The following YWHAE variants were observed in gnomAD, a reference collection of about 807,000 sequenced individuals.
YWHAE encodes tyrosine 3-monooxygenase/tryptophan 5-monooxygenase activation protein epsilon.
Under a neutral mutation model 30.1 loss-of-function variants are expected in YWHAE, and 4 were observed. The observed-to-expected ratio is 0.13, with a 90% CI of 0.07 to 0.30. The LOEUF is 0.30. Among genes scored for constraint, YWHAE ranks in the 10% least tolerant of loss-of-function variants. The pLI is 1.00. For missense variants in YWHAE, 121 were observed against 315.9 expected (o/e 0.38, Z 4.68); for synonymous variants, 118 against 111.8 (o/e 1.06, Z -0.35).
At chr17:1,358,945 G>A (rs1315525715) in intron 4 of YWHAE, among the ~76,000 whole-genome samples, 1 of 151,250 alleles carries the variant, frequency 6.6e-6, no homozygotes, top group Non-Finnish European at 1.5e-5. Context: ...GACTAGCCTG[G>A]CCAACACTGT....
chr17:1,361,038 C>G, intron 4 of YWHAE, 54 bp downstream of exon 4: 1 of 1,535,710 alleles, frequency 6.5e-7, no homozygotes, highest in African/African-American at 1.4e-5. Context: ...AAAACCCAAA[C>G]AGCGCCCCCC....
At chr17:1,395,910 G>C (rs1177120280) in intron 1 of YWHAE, among the ~76,000 whole-genome samples, 1 of 152,228 alleles carries the variant, frequency 6.6e-6, no homozygotes, top group Non-Finnish European at 1.5e-5. Flanking sequence ...CCTGAGGTCA[G>C]GAGTTCGAGA....
chr17:1,369,235 G>T (rs1428287844), intron 1 of YWHAE, among the ~76,000 whole-genome samples: 1 of 152,096 alleles, frequency 6.6e-6, no homozygotes, highest in African/African-American at 2.4e-5. Flanking sequence ...GGGAGCAGGG[G>T]CTCACCCCTG....
At position 1,348,336 on chromosome 17, in the gene YWHAE, A is replaced by C. The variant is rs185999857; in HGVS notation, c.716-2837T>G. Among the ~76,000 whole-genome samples the C allele has an allele frequency of 2.3e-3, 358 of 152,344 alleles. 12 individuals carry two copies. The South Asian group carries it at 0.035, about 15-fold the overall frequency. On this transcript the variant is annotated intron_variant, in intron 5 of 5. Transcript: ENST00000264335. ...TCCTACCTATGGATTCGTATATGAA[A>C]CAATCCTCTTACCACAGGGTGAAGA...
chr17:1,359,811 GTTGTGTGTGTGTGT>G (rs2072825137), intron 4 of YWHAE, among the ~76,000 whole-genome samples: 1 of 96,412 alleles, frequency 1.0e-5, no homozygotes, highest in African/African-American at 4.6e-5. Context: ...CCACTAAATT[GTTGTGTGTGTGTGT>G]GTGTGTGTGT....
chr17:1,363,470 C>T (rs902495793), intron 2 of YWHAE, among the ~76,000 whole-genome samples: 5 of 151,912 alleles, frequency 3.3e-5, no homozygotes, highest in East Asian at 1.9e-4. Context: ...TTCACCATGT[C>T]GGTCAGGCTG....
rs571255303 is a variant in YWHAE at position 1,395,084 on chromosome 17, G to A, written c.64+4963C>T. Among the ~76,000 whole-genome samples the A allele has an allele frequency of 6.6e-5, 10 of 151,530 alleles. No homozygotes were observed. In the South Asian group the frequency reaches 1.7e-3, roughly 25 times the overall value. ...GCCTGCAGTATCAGTCACCCTTACA[G>A]TCATCCATGAAAAAAAAAAACAATC... On this transcript the variant is annotated intron_variant, in intron 1 of 5. Transcript: ENST00000264335.
intron 1 of YWHAE, among the ~76,000 whole-genome samples, chr17:1,373,679 A>G (rs904120664): frequency 6.6e-6 from 1 of 151,964 alleles, no homozygotes; most frequent in Non-Finnish European, 1.5e-5. Context: ...AAAAAAAAAA[A>G]GAAAAGTTTG....
At chr17:1,355,116 TAAAAAAAAAAAAAA>T (rs869230957) in intron 4 of YWHAE, among the ~76,000 whole-genome samples, 31 of 17,176 alleles carry the variant, frequency 1.8e-3, no homozygotes, top group African/African-American at 6.1e-3. Flanking sequence ...CAAGATTTTT[TAAAAAAAAAAAAAA>T]AAAAAAAAAA....
chr17:1,347,171 C>G (rs1252497289), intron 5 of YWHAE, among the ~76,000 whole-genome samples: 1 of 125,478 alleles, frequency 8.0e-6, no homozygotes, highest in Non-Finnish European at 1.7e-5. Context: ...ACTAAAAATA[C>G]AAAAAAAAAA....
At chr17:1,387,621 C>T (rs928679855) in intron 1 of YWHAE, among the ~76,000 whole-genome samples, 6 of 150,496 alleles carry the variant, frequency 4.0e-5, no homozygotes, top group Non-Finnish European at 7.4e-5. Context: ...CATTTCTTTG[C>T]GGGGGTGGGG....
intron 1 of YWHAE, among the ~76,000 whole-genome samples, chr17:1,396,157 G>A (rs2073468487): frequency 6.6e-6 from 1 of 151,086 alleles, no homozygotes; most frequent in Admixed American, 6.6e-5. Context: ...CGGTGGCTCA[G>A]GTCCTTAATG....
At chr17:1,373,791 C>T (rs1311173703) in intron 1 of YWHAE, among the ~76,000 whole-genome samples, 8 of 152,116 alleles carry the variant, frequency 5.3e-5, no homozygotes, top group Admixed American at 5.2e-4. Context: ...TTCCAGAAAC[C>T]TTCCATTTGT....
At chr17:1,386,960 A>G (rs1416972054) in intron 1 of YWHAE, among the ~76,000 whole-genome samples, 1 of 25,576 alleles carries the variant, frequency 3.9e-5, no homozygotes, top group African/African-American at 1.4e-3. Flanking sequence ...TCTCAAAAGG[A>G]AAAAAAAAAA....
At chr17:1,355,891 G>A (rs1017858787) in intron 4 of YWHAE, among the ~76,000 whole-genome samples, 1 of 152,026 alleles carries the variant, frequency 6.6e-6, no homozygotes, top group Admixed American at 6.6e-5. Flanking sequence ...AAATTAGGCC[G>A]GGTGCAGTGG....
chr17:1,385,812 A>T (rs1204233613), intron 1 of YWHAE, among the ~76,000 whole-genome samples: 1 of 152,116 alleles, frequency 6.6e-6, no homozygotes, highest in African/African-American at 2.4e-5. Flanking sequence ...GCTGAGCCAA[A>T]AGACTGCTAT....
chr17:1,356,419 A>G (rs2072743699), intron 4 of YWHAE, among the ~76,000 whole-genome samples: 2 of 152,196 alleles, frequency 1.3e-5, no homozygotes, highest in South Asian at 4.1e-4. Flanking sequence ...GGGACCCAGA[A>G]GGAGGAGCAA....
intron 1 of YWHAE, among the ~76,000 whole-genome samples, chr17:1,387,914 C>T (rs1312186033): frequency 1.4e-5 from 2 of 141,296 alleles, no homozygotes; most frequent in Non-Finnish European, 3.0e-5. Context: ...GAGTGAGCCA[C>T]TGCACCTGGC....
chr17:1,389,761 A>G (rs1417716505), intron 1 of YWHAE, among the ~76,000 whole-genome samples: 1 of 151,486 alleles, frequency 6.6e-6, no homozygotes, highest in Non-Finnish European at 1.5e-5. Flanking sequence ...CAATCTGCTG[A>G]CCTCGTAGTC....
Sources: gnomAD v4.1 joint callset for allele counts (sites outside exome capture counted in the v4.1 genomes callset) on GRCh38, gnomAD v4.1.1 for gene constraint, MANE v1.5 for transcripts, NCBI Gene and HGNC (gene_info 2026-07-23, HGNC 2026-07-21) for gene names.